The following TBCK variants were observed in gnomAD, a reference collection of about 807,000 sequenced individuals.
TBCK encodes the protein TBC domain-containing protein kinase-like protein.
Under a neutral mutation model 113.4 loss-of-function variants are expected in TBCK, and 99 were observed. The observed-to-expected ratio is 0.87, with a 90% CI of 0.74 to 1.03. TBCK has a LOEUF of 1.03. Among genes scored for constraint, TBCK ranks in the 50% least tolerant of loss-of-function variants. TBCK has a pLI of 0.00. For missense variants in TBCK, 1,045 were observed against 1,061.3 expected (o/e 0.98, Z 0.21); for synonymous variants, 369 against 370.8 (o/e 1.00, Z 0.05).
chr4:106,296,766 C>T (rs1470650193), intron 2 of TBCK, among the ~76,000 whole-genome samples: 1 of 151,348 alleles, frequency 6.6e-6, no homozygotes, highest in African/African-American at 2.4e-5. Context: ...AATGATGAAG[C>T]TAGAGAGAGA....
chr4:106,054,784 G>A (rs1020840773), intron 25 of TBCK, among the ~76,000 whole-genome samples: 3 of 151,618 alleles, frequency 2.0e-5, no homozygotes, highest in African/African-American at 7.3e-5. Context: ...TCCAGTGGAG[G>A]AGGCAGAAAG....
At chr4:106,067,821 T>C (rs1229244881) in intron 25 of TBCK, among the ~76,000 whole-genome samples, 1 of 152,226 alleles carries the variant, frequency 6.6e-6, no homozygotes, top group Non-Finnish European at 1.5e-5. Flanking sequence ...GGTTTATTTC[T>C]GGGCTCTCAA....
chr4:106,163,118 A>G (rs949386748), intron 23 of TBCK, among the ~76,000 whole-genome samples: 6 of 152,052 alleles, frequency 3.9e-5, no homozygotes, highest in African/African-American at 1.2e-4. Context: ...TTTCCAGGGC[A>G]GGGGCAAAAT....
intron 3 of TBCK, among the ~76,000 whole-genome samples, chr4:106,272,488 A>ATT (rs746246379): frequency 6.3e-4 from 78 of 124,534 alleles, no homozygotes; most frequent in African/African-American, 8.6e-4. Flanking sequence ...TGTTTATTTA[A>ATT]TTTTTTTTTT....
intron 25 of TBCK, among the ~76,000 whole-genome samples, chr4:106,073,567 G>C (rs1193397504): frequency 6.6e-6 from 1 of 152,210 alleles, no homozygotes; most frequent in Non-Finnish European, 1.5e-5. Flanking sequence ...AGGCTGCACG[G>C]GTGTCAGGGA....
At chr4:106,266,392 C>T (rs1277205940) in intron 3 of TBCK, among the ~76,000 whole-genome samples, 15 of 151,910 alleles carry the variant, frequency 9.9e-5, no homozygotes, top group African/African-American at 3.6e-4. Context: ...ACCTCAGCTG[C>T]ATACTACTTC....
At chr4:106,246,862 T>G (rs551704928) in intron 10 of TBCK, among the ~76,000 whole-genome samples, 44 of 152,254 alleles carry the variant, frequency 2.9e-4, no homozygotes, top group African/African-American at 8.4e-4. Flanking sequence ...TGTTGTTGTT[T>G]TTTGTAGAGA....
intron 24 of TBCK, among the ~76,000 whole-genome samples, chr4:106,096,593 T>C (rs1384396526): frequency 6.6e-6 from 1 of 152,178 alleles, no homozygotes; most frequent in Non-Finnish European, 1.5e-5. Context: ...GTTTTCTTGT[T>C]TGGAAGAGCA....
chr4:106,217,850 C>T (rs1579283319), intron 19 of TBCK, among the ~76,000 whole-genome samples: 1 of 148,752 alleles, frequency 6.7e-6, no homozygotes, highest in Non-Finnish European at 1.5e-5. Flanking sequence ...ACTTTCTTCA[C>T]AGAATTGGAA....
rs150360869 is a variant in TBCK at position 106,094,548 on chromosome 4, T to C, written c.2571+934A>G. Among the ~76,000 whole-genome samples the C allele has an allele frequency of 2.2e-3, 342 of 152,340 alleles. 2 individuals are homozygous for C. The highest frequency in any genetic ancestry group is 8.0e-3 in the African/African-American group (331 of 41,562). On this transcript the variant is annotated intron_variant, in intron 25 of 25. Transcript: ENST00000394708. ...TAAAGTTCTAATCTGAAATTTTCAG[T>C]GACCACATTTCAGGAGTGCTCAAAG...
At position 106,104,362 on chromosome 4, in the gene TBCK, G is replaced by T. The variant is rs1048887269; in HGVS notation, c.2412-8721C>A. ...AGATGGGTGGGTTGCCATCTTTGCT[G>T]TTCAGACACCTTAGCCATTCCAGCC... is the stretch of plus-strand genomic sequence containing the variant. On this transcript the variant is annotated intron_variant, in intron 24 of 25. Coordinates refer to ENST00000394708, the MANE Select transcript of TBCK (RefSeq NM_001163435.3). Among the ~76,000 whole-genome samples the T allele has an allele frequency of 2.6e-5, 4 of 152,222 alleles. No homozygotes were observed. In the South Asian group the frequency reaches 8.3e-4, roughly 32 times the overall value.
intron 20 of TBCK, among the ~76,000 whole-genome samples, chr4:106,204,220 G>T (rs1034248321): frequency 5.9e-5 from 9 of 152,200 alleles, no homozygotes; most frequent in African/African-American, 2.2e-4. Context: ...AATGGTAAGA[G>T]GGTTGCAGGG....
chr4:106,106,122 C>A (rs1703288214), intron 24 of TBCK, among the ~76,000 whole-genome samples: 1 of 152,002 alleles, frequency 6.6e-6, no homozygotes, highest in Non-Finnish European at 1.5e-5. Context: ...ATGAACAAAG[C>A]CTCTGAAAAT....
At chr4:106,189,388 A>C (rs1753410345) in intron 22 of TBCK, among the ~76,000 whole-genome samples, 1 of 151,896 alleles carries the variant, frequency 6.6e-6, no homozygotes, top group African/African-American at 2.4e-5. Flanking sequence ...ACATGCATGA[A>C]TATCATGTAG....
intron 22 of TBCK, among the ~76,000 whole-genome samples, chr4:106,186,195 C>T (rs1343505852): frequency 6.6e-6 from 1 of 152,072 alleles, no homozygotes; most frequent in Non-Finnish European, 1.5e-5. Context: ...GATGAACATA[C>T]ACATGCATGT....
intron 11 of TBCK, 28 bp downstream of exon 11, chr4:106,244,598 A>C: frequency 6.6e-7 from 1 of 1,507,016 alleles, no homozygotes; most frequent in Non-Finnish European, 8.9e-7. Flanking sequence ...TATTTATTTA[A>C]ATTCCCAAGA....
chr4:106,301,287 C>T (rs372401450), intron 2 of TBCK, among the ~76,000 whole-genome samples: 1 of 115,670 alleles, frequency 8.6e-6, no homozygotes, highest in Non-Finnish European at 2.2e-5. Context: ...TTATTCTCTA[C>T]TTTAATTTCA....
chr4:106,167,996 C>G (rs1277113652), intron 23 of TBCK, among the ~76,000 whole-genome samples: 1 of 151,772 alleles, frequency 6.6e-6, no homozygotes, highest in Non-Finnish European at 1.5e-5. Flanking sequence ...TATGTCCTAA[C>G]TCATTCTATG....
intron 23 of TBCK, among the ~76,000 whole-genome samples, chr4:106,126,366 C>T (rs1273886671): frequency 6.6e-6 from 1 of 152,072 alleles, no homozygotes; most frequent in African/African-American, 2.4e-5. Context: ...TATTATCTGA[C>T]ACACAGAAAG....
Sources: gnomAD v4.1 joint callset for allele counts (sites outside exome capture counted in the v4.1 genomes callset) on GRCh38, gnomAD v4.1.1 for gene constraint, MANE v1.5 for transcripts, NCBI Gene and HGNC (gene_info 2026-07-23, HGNC 2026-07-21) for gene names.